UBXN11: variants seen among roughly 807,000 people sequenced by gnomAD.
The protein encoded by UBXN11 is UBX domain-containing protein 11.
A neutral mutation model predicts 62.8 loss-of-function variants in UBXN11; 47 were observed. The ratio of observed to expected loss-of-function variants is 0.75; its 90% CI spans 0.59 to 0.95. The LOEUF (loss-of-function observed/expected upper bound fraction) is 0.95, where lower values mean the gene tolerates loss of function less well. Ranked by LOEUF, UBXN11 falls within the 40% of genes least tolerant of loss-of-function variation. The pLI is 0.00. For synonymous variants in UBXN11, 294 were observed against 267.0 expected (o/e 1.10, Z -0.99); for missense variants, 638 against 661.7 (o/e 0.96, Z 0.39).
chr1:26,307,319 G>A (rs898994691), upstream of UBXN11, among the ~76,000 whole-genome samples: 1 of 152,096 alleles, frequency 6.6e-6, no homozygotes, highest in African/African-American at 2.4e-5. Flanking sequence ...TGTGTTCTTG[G>A]GCACTTTATA....
At chr1:26,287,675 G>C (rs1423182891) in intron 8 of UBXN11, among the ~76,000 whole-genome samples, 1 of 152,140 alleles carries the variant, frequency 6.6e-6, no homozygotes, top group Admixed American at 6.5e-5. Context: ...AGGTGAAATG[G>C]TAGGCCCCAG....
chr1:26,296,683 G>A (rs1017014118), intron 7 of UBXN11, among the ~76,000 whole-genome samples: 1 of 152,186 alleles, frequency 6.6e-6, no homozygotes, highest in Non-Finnish European at 1.5e-5. Flanking sequence ...CTGCTAAGCA[G>A]GGGAGAGGCA....
At position 26,285,855 on chromosome 1, in the gene UBXN11, GC is replaced by G; in HGVS notation, c.741del (p.Phe249SerfsTer37). On this transcript the variant is annotated frameshift_variant, in exon 9 of 15. Coordinates refer to ENST00000374222, the MANE Select transcript of UBXN11 (RefSeq NM_001389556.1). LOFTEE classifies it high-confidence loss of function. ...GAGGGATCGTAGAAGGGCTGGAAGGGCCCGTCGAACATCATGATGCCATTCC... is the reference window on the plus strand; with the variant it reads ...GAGGGATCGTAGAAGGGCTGGAAGGGCCGTCGAACATCATGATGCCATTCC... Reference protein sequence around the residue: ...LYRNGIMMFDGPFQPFYDPST... With the variant: ...LYRNGIMMFDXPFQPFYDPST... 1 of 1,611,108 alleles carries G rather than the reference GC, an allele frequency of 6.2e-7. No individual in the cohort carries two copies. The highest frequency in any genetic ancestry group is 1.1e-5 in the South Asian group (1 of 90,950).
rs368446676 is a variant in UBXN11 at position 26,282,951 on chromosome 1, G to A, written c.1078-14C>T. The A allele has an allele frequency of 5.6e-6, 9 of 1,614,030 alleles. No homozygotes were observed. In the African/African-American group the frequency reaches 1.2e-4, roughly 22 times the overall value. On this transcript the variant is annotated splice_polypyrimidine_tract_variant and intron_variant, in intron 12 of 14. Transcript: ENST00000374222. ...TGGGCAGCAGTTCTGGAAGGTATCA[G>A]TGGAGGGTGGACAGAGCCCTAGGCC... is the stretch of plus-strand genomic sequence containing the variant.
intron 8 of UBXN11, among the ~76,000 whole-genome samples, chr1:26,293,470 G>A (rs1307357151): frequency 6.6e-6 from 1 of 152,094 alleles, no homozygotes; most frequent in African/African-American, 2.4e-5. Flanking sequence ...GCTCACACCT[G>A]TAATCCCAGC....
intron 8 of UBXN11, among the ~76,000 whole-genome samples, chr1:26,288,777 C>T (rs1056775422): frequency 3.3e-5 from 5 of 152,188 alleles, no homozygotes; most frequent in Non-Finnish European, 2.9e-5. Context: ...AAATGACAGC[C>T]CTGTGCCAAG....
At position 26,282,330 on chromosome 1, in the gene UBXN11, GGAC is replaced by G; in HGVS notation, c.1529_1531del (p.Ser510_Pro511delinsThr). On this transcript the variant is annotated inframe_deletion, in exon 15 of 15. Coordinates refer to ENST00000374222, the MANE Select transcript of UBXN11 (RefSeq NM_001389556.1). Reference sequence around the variant, plus strand: ...GGGGCTGGGACTGGGTCCAGGACAGGGACTGGGGCCGGGACCGGGACCGGGACT... The same window carrying G: ...GGGGCTGGGACTGGGTCCAGGACAGGTGGGGCCGGGACCGGGACCGGGACT... The G allele has an allele frequency of 1.3e-6, 1 of 750,646 alleles. No homozygotes were observed. Among genetic ancestry groups the G allele is most frequent in the South Asian group, 2.7e-5 (1 of 37,668 alleles). The allele number at this position is 750,646 out of a possible 1,614,324, so 46.5% of individuals were successfully genotyped here.
chr1:26,310,330 G>A (rs961469492), upstream of UBXN11, among the ~76,000 whole-genome samples: 8 of 152,158 alleles, frequency 5.3e-5, no homozygotes, highest in Non-Finnish European at 5.9e-5. Context: ...CTAAGGTCAG[G>A]AGTTTGAGAC....
upstream of UBXN11, among the ~76,000 whole-genome samples, chr1:26,307,790 T>C (rs2073696398): frequency 6.6e-6 from 1 of 152,102 alleles, no homozygotes; most frequent in African/African-American, 2.4e-5. Flanking sequence ...AACGCCCAGC[T>C]AGTTTTTGTA....
chr1:26,297,168 T>C (rs1268283420), intron 6 of UBXN11, among the ~76,000 whole-genome samples, 173 bp from the exon 7 acceptor site: 3 of 152,038 alleles, frequency 2.0e-5, no homozygotes, highest in South Asian at 2.1e-4. Context: ...TGATGGGCCC[T>C]AGGAGGCTGC....
chr1:26,284,091 C>A, intron 12 of UBXN11, 51 bp downstream of exon 12: 1 of 1,527,492 alleles, frequency 6.5e-7, no homozygotes, highest in Non-Finnish European at 8.8e-7. Context: ...TGGACCAGGG[C>A]TGGTGCTAAA....
In UBXN11 at chr1:26,284,522, T is replaced by G. The variant is rs2073080559; in HGVS notation, c.853-40A>C. 3 of 1,551,482 alleles carry G rather than the reference T, an allele frequency of 1.9e-6. No homozygotes were observed. The South Asian group carries it at 3.6e-5, about 19-fold the overall frequency. ...GGGCAACGACGGCAGCGGACCCAGC[T>G]CTTCAGCCCTTGGCCCCACTTTCAT... On this transcript the variant is annotated intron_variant, in intron 10 of 14. Coordinates refer to ENST00000374222, the MANE Select transcript of UBXN11 (RefSeq NM_001389556.1).
upstream of UBXN11, among the ~76,000 whole-genome samples, chr1:26,310,621 G>A (rs770980451): frequency 8.6e-5 from 13 of 151,120 alleles, no homozygotes; most frequent in East Asian, 1.9e-4. Context: ...CCAGCTACTC[G>A]GGAGGCTAAG....
intron 8 of UBXN11, among the ~76,000 whole-genome samples, chr1:26,287,028 A>G (rs1437069358): frequency 1.3e-5 from 2 of 152,078 alleles, no homozygotes; most frequent in Non-Finnish European, 2.9e-5. Context: ...TCCATTTTAC[A>G]CATGAGGAAA....
At chr1:26,314,723 C>T (rs1180591542) in intron 1 of UBXN11, among the ~76,000 whole-genome samples, 1 of 152,198 alleles carries the variant, frequency 6.6e-6, no homozygotes, top group Non-Finnish European at 1.5e-5. Flanking sequence ...AGTCCCAACC[C>T]ACAAGGGACA....
intron 1 of UBXN11, among the ~76,000 whole-genome samples, chr1:26,315,589 C>A (rs965879240): frequency 1.3e-5 from 2 of 152,190 alleles, no homozygotes; most frequent in African/African-American, 4.8e-5. Flanking sequence ...TCCCTCTTCT[C>A]TCCCTCCCCG....
At chr1:26,308,659 T>C (rs1315713448), upstream of UBXN11, among the ~76,000 whole-genome samples, 1 of 152,180 alleles carries the variant, frequency 6.6e-6, no homozygotes, top group South Asian at 2.1e-4. Flanking sequence ...ATGGTCAGGG[T>C]GAGTAGCAAC....
chr1:26,318,236 C>A, exon 1 of UBXN11: 1 of 629,320 alleles, frequency 1.6e-6, no homozygotes. Context: ...GGCCGCCCAG[C>A]CTTCCAGCTC....
intron 8 of UBXN11, among the ~76,000 whole-genome samples, 169 bp from the exon 9 acceptor site, chr1:26,286,206 G>C (rs963319919): frequency 3.3e-5 from 5 of 152,248 alleles, no homozygotes; most frequent in African/African-American, 1.2e-4. Context: ...CTTTTATTGA[G>C]CACTTATTTT....
Sources: allele counts gnomAD v4.1 joint callset (sites outside exome capture counted in the v4.1 genomes callset), GRCh38; gene constraint gnomAD v4.1.1; transcripts MANE v1.5; gene names NCBI Gene and HGNC (gene_info 2026-07-23, HGNC 2026-07-21).